TMPRSS11E: variants seen among roughly 807,000 people sequenced by gnomAD.
TMPRSS11E encodes the protein transmembrane protease serine 11E.
A neutral mutation model predicts 48.1 loss-of-function variants in TMPRSS11E; 38 were observed. The observed-to-expected ratio is 0.79, with a 90% CI of 0.61 to 1.04. TMPRSS11E has a LOEUF of 1.04. TMPRSS11E is among the 50% of genes least tolerant of loss of function. TMPRSS11E has a pLI of 0.00. For missense variants in TMPRSS11E, 530 were observed against 510.8 expected (o/e 1.04, Z -0.36); for synonymous variants, 158 against 171.9 (o/e 0.92, Z 0.63).
In TMPRSS11E at chr4:68,448,529, C is replaced by T. The variant is rs148554942; in HGVS notation, c.11+1006C>T. On this transcript the variant is annotated intron_variant, in intron 1 of 9. Coordinates refer to ENST00000305363, the MANE Select transcript of TMPRSS11E (RefSeq NM_014058.4). ...GACTTTACTATAGAAAACAGTGCTTCAAGAAAGCTTCCAATAAACTTAACA... is the reference window on the plus strand; with the variant it reads ...GACTTTACTATAGAAAACAGTGCTTTAAGAAAGCTTCCAATAAACTTAACA... Among the ~76,000 whole-genome samples, 15 of 151,960 alleles carry T rather than the reference C, an allele frequency of 9.9e-5. No homozygotes were observed. In the East Asian group the frequency reaches 2.5e-3, roughly 25 times the overall value.
In TMPRSS11E at chr4:68,480,865, GT is replaced by G. The variant is rs1185993534; in HGVS notation, c.1110+1875del. Among the ~76,000 whole-genome samples the G allele has an allele frequency of 2.7e-4, 41 of 152,204 alleles. 1 individual carries two copies. In the East Asian group the frequency reaches 3.7e-3, roughly 14 times the overall value. On this transcript the variant is annotated intron_variant, in intron 9 of 9. Transcript: ENST00000305363. Reference sequence around the variant, plus strand: ...CAGGATTGTTACATGGGTAAATTGTGTGTTGCTGGGGTTTGGTGTACAAATT... The same window carrying G: ...CAGGATTGTTACATGGGTAAATTGTGGTTGCTGGGGTTTGGTGTACAAATT...
chr4:68,470,250 T>G (rs941447080), intron 4 of TMPRSS11E, among the ~76,000 whole-genome samples: 4 of 151,766 alleles, frequency 2.6e-5, no homozygotes, highest in Non-Finnish European at 4.4e-5. Flanking sequence ...AAAGAAAGCT[T>G]GAAGACCAAT....
At chr4:68,451,607 A>G (rs1728499181) in intron 1 of TMPRSS11E, among the ~76,000 whole-genome samples, 1 of 151,988 alleles carries the variant, frequency 6.6e-6, no homozygotes, top group Non-Finnish European at 1.5e-5. Flanking sequence ...AAGCAGACAC[A>G]GAGGGATTTA....
At position 68,490,201 on chromosome 4, in the gene TMPRSS11E, C is replaced by A. The variant is rs980034142; in HGVS notation, c.1111-6442C>A. Among the ~76,000 whole-genome samples the A allele has an allele frequency of 3.9e-5, 6 of 152,250 alleles. No individual in the cohort carries two copies. The East Asian group carries it at 1.2e-3, about 29-fold the overall frequency. On this transcript the variant is annotated intron_variant, in intron 9 of 9. Coordinates refer to ENST00000305363, the MANE Select transcript of TMPRSS11E (RefSeq NM_014058.4). Reference sequence around the variant, plus strand: ...CCTTTCAGCCTGGGGTCTGCATTCTCCTTCCATCAACTCTCAATGCCTTCT... The same window carrying A: ...CCTTTCAGCCTGGGGTCTGCATTCTACTTCCATCAACTCTCAATGCCTTCT...
intron 1 of TMPRSS11E, among the ~76,000 whole-genome samples, chr4:68,452,359 A>G (rs907876479): frequency 1.3e-5 from 2 of 152,028 alleles, no homozygotes; most frequent in Admixed American, 1.3e-4. Flanking sequence ...AGTAAAATTT[A>G]GAGAGGGTAC....
intron 1 of TMPRSS11E, among the ~76,000 whole-genome samples, chr4:68,460,883 C>CTTT (rs34208799): frequency 9.6e-4 from 137 of 142,366 alleles, no homozygotes; most frequent in Middle Eastern, 7.2e-3. Flanking sequence ...TTTCCTGTAG[C>CTTT]TTTTTTTTTT....
At chr4:68,464,954 A>G (rs1252764474) in intron 2 of TMPRSS11E, among the ~76,000 whole-genome samples, 1 of 152,242 alleles carries the variant, frequency 6.6e-6, no homozygotes. Context: ...AATTTGAAGC[A>G]GAATTCTAGA....
At chr4:68,491,485 A>G (rs1424388734) in intron 9 of TMPRSS11E, among the ~76,000 whole-genome samples, 2 of 152,094 alleles carry the variant, frequency 1.3e-5, no homozygotes, top group African/African-American at 2.4e-5. Flanking sequence ...AAAAAAGAAT[A>G]AGTAAGTCTG....
chr4:68,464,461 T>C lies in TMPRSS11E; in HGVS notation c.137-2170T>C, dbSNP rs1728874886. 1.3e-5 allele frequency among the ~76,000 whole-genome samples: 2 copies of C among 152,192 alleles called. 1 individual carries two copies. The highest frequency in any genetic ancestry group is 4.1e-4 in the South Asian group (2 of 4,824). On this transcript the variant is annotated intron_variant, in intron 2 of 9. Coordinates refer to ENST00000305363, the MANE Select transcript of TMPRSS11E (RefSeq NM_014058.4). ...TTATAAGCAACATCACTGCAGATTATAGAATCACAAAACTGCTAGAAATTT... is the reference window on the plus strand; with the variant it reads ...TTATAAGCAACATCACTGCAGATTACAGAATCACAAAACTGCTAGAAATTT...
chr4:68,455,076 A>G (rs912581278), intron 1 of TMPRSS11E, among the ~76,000 whole-genome samples: 1 of 151,916 alleles, frequency 6.6e-6, no homozygotes, highest in East Asian at 1.9e-4. Context: ...ACTTCTCAAT[A>G]CAAGTAGTAA....
chr4:68,450,103 G>GAC (rs1173708826), intron 1 of TMPRSS11E, among the ~76,000 whole-genome samples: 2 of 144,162 alleles, frequency 1.4e-5, no homozygotes, highest in Non-Finnish European at 3.0e-5. Flanking sequence ...ATACTGAAGA[G>GAC]ACACTCCTTT....
chr4:68,493,616 G>A (rs999163986), intron 9 of TMPRSS11E, among the ~76,000 whole-genome samples: 5 of 151,964 alleles, frequency 3.3e-5, no homozygotes, highest in Admixed American at 2.0e-4. Context: ...ACAGGCAACC[G>A]CCACCACACC....
chr4:68,496,322 ATAAT>A (rs1454011280), intron 9 of TMPRSS11E, among the ~76,000 whole-genome samples: 3 of 152,042 alleles, frequency 2.0e-5, no homozygotes, highest in African/African-American at 7.2e-5. Flanking sequence ...TATAGACAAA[ATAAT>A]TAGGGAGTTA....
At position 68,478,984 on chromosome 4, in the gene TMPRSS11E, C is replaced by T. The variant is rs1397196861; in HGVS notation, c.1103C>T (p.Ala368Val). ...GGCTCCTTAGAAGGAAAAACAGATG[C>T]ATGCCAGGTAAACAGTTTTGCCCAT... ...CAGSLEGKTD[A>V]CQGDSGGPLV... The change falls in exon 9 of 10, where the codon GCA (alanine) becomes GTA (valine). Residue 368 changes from alanine (A) to valine (V), a missense_variant. By Grantham distance (64) the Ala-to-Val change is moderately conservative (BLOSUM62 0). Transcript: ENST00000305363. 6.2e-7 allele frequency: 1 copy of T among 1,613,270 alleles called. No homozygotes were observed. Among genetic ancestry groups the T allele is most frequent in the Non-Finnish European group, 8.5e-7 (1 of 1,179,776 alleles).
intron 9 of TMPRSS11E, among the ~76,000 whole-genome samples, chr4:68,483,857 C>A (rs1729477752): frequency 6.6e-6 from 1 of 152,170 alleles, no homozygotes; most frequent in African/African-American, 2.4e-5. Context: ...ATATGGCTAG[C>A]CAGTTATACC....
chr4:68,458,046 C>T (rs916414413), intron 1 of TMPRSS11E, among the ~76,000 whole-genome samples: 4 of 152,098 alleles, frequency 2.6e-5, no homozygotes, highest in Non-Finnish European at 4.4e-5. Flanking sequence ...CACACCTGCA[C>T]ATTCTGCCCA....
intron 1 of TMPRSS11E, among the ~76,000 whole-genome samples, chr4:68,458,888 C>T (rs1346230510): frequency 6.6e-6 from 1 of 151,986 alleles, no homozygotes; most frequent in Non-Finnish European, 1.5e-5. Context: ...TAATTATCAT[C>T]CTCGTTATTT....
intron 9 of TMPRSS11E, among the ~76,000 whole-genome samples, chr4:68,494,178 C>A (rs1001911671): frequency 5.9e-5 from 9 of 151,938 alleles, no homozygotes; most frequent in African/African-American, 1.7e-4. Context: ...TTAATGAGTG[C>A]CAAACCTGTG....
chr4:68,461,154 T>A (rs2109672627), intron 1 of TMPRSS11E, among the ~76,000 whole-genome samples: 1 of 152,306 alleles, frequency 6.6e-6, no homozygotes, highest in East Asian at 1.9e-4. Context: ...GTGCTGGGAT[T>A]ATAGGCGTGA....
Sources: gnomAD v4.1 joint callset for allele counts (sites outside exome capture counted in the v4.1 genomes callset) on GRCh38, gnomAD v4.1.1 for gene constraint, MANE v1.5 for transcripts, NCBI Gene and HGNC (gene_info 2026-07-23, HGNC 2026-07-21) for gene names.